The following MED12L variants were observed in gnomAD, a reference collection of about 807,000 sequenced individuals.
MED12L encodes mediator complex subunit 12L, also known as mediator of RNA polymerase II transcription subunit 12-like protein.
Under a neutral mutation model 281.3 loss-of-function variants are expected in MED12L, and 60 were observed. The ratio of observed to expected loss-of-function variants is 0.21; its 90% confidence interval spans 0.17 to 0.26. MED12L has a LOEUF of 0.26. MED12L is among the 10% of genes least tolerant of loss of function. The pLI is 1.00. For synonymous variants in MED12L, 974 were observed against 987.2 expected, an observed-to-expected ratio of 0.99 and a Z score of 0.25; for missense variants, 2,146 against 2,680.9, an observed-to-expected ratio of 0.80 and a Z score of 4.41.
At chr3:151,160,470 C>T (rs1363941804) in intron 8 of MED12L, among the ~76,000 whole-genome samples, 2 of 152,152 alleles carry the variant, frequency 1.3e-5, no homozygotes, top group African/African-American at 4.8e-5. Context: ...GGTTGCCTGT[C>T]TGTGTTTAAA....
At chr3:151,202,677 C>G (rs1469792068) in intron 16 of MED12L, among the ~76,000 whole-genome samples, 1 of 152,118 alleles carries the variant, frequency 6.6e-6, no homozygotes, top group East Asian at 1.9e-4. Context: ...AAAAACAAAA[C>G]AAAACAAAAA....
chr3:151,106,206 GT>G (rs1011214069), intron 2 of MED12L, among the ~76,000 whole-genome samples: 6 of 148,638 alleles, frequency 4.0e-5, no homozygotes, highest in African/African-American at 9.9e-5. Context: ...GTCACCTTCT[GT>G]TTTTTTTTCT....
intron 16 of MED12L, among the ~76,000 whole-genome samples, chr3:151,224,035 A>C (rs533538391): frequency 2.0e-5 from 3 of 152,234 alleles, no homozygotes; most frequent in Non-Finnish European, 2.9e-5. Context: ...ATTACTGCCT[A>C]TTAACACTGG....
chr3:151,369,402 T>G, intron 25 of MED12L, 34 bp from the exon 26 acceptor site: 1 of 1,394,940 alleles, frequency 7.2e-7, no homozygotes, highest in Non-Finnish European at 1.0e-6. Context: ...CTAATGATGG[T>G]AATGAGACTA....
chr3:151,428,434 A>G (rs1719103540), intron 43 of MED12L, among the ~76,000 whole-genome samples: 1 of 152,248 alleles, frequency 6.6e-6, no homozygotes, highest in African/African-American at 2.4e-5. Context: ...GAAAATAGTA[A>G]CATTGGTGGA....
rs1436818421 is a variant in MED12L, at chr3:151,432,798, C to T, written c.6537C>T (p.His2179=). The T allele has an allele frequency of 1.2e-6, 2 of 1,612,704 alleles. No homozygotes were observed. The highest frequency in any genetic ancestry group is 1.1e-5 in the South Asian group (1 of 90,776). ...QGVTPYGHPS[H]F ...TGACTCCGTATGGGCATCCTTCACA[C>T]TTCTGAATCTGCAAGAGGAGAAGAC... The change falls in exon 45 of 45, where the codon CAC becomes CAT. Residue 2179 remains histidine (H), a synonymous_variant. Transcript: ENST00000687756.
At chr3:151,196,407 A>G (rs1260218150) in intron 16 of MED12L, among the ~76,000 whole-genome samples, 1 of 152,142 alleles carries the variant, frequency 6.6e-6, no homozygotes, top group Admixed American at 6.5e-5. Context: ...CTAGCTTCTC[A>G]TTGCATGTGA....
intron 39 of MED12L, among the ~76,000 whole-genome samples, chr3:151,401,693 G>T (rs532376060): frequency 6.6e-6 from 1 of 152,238 alleles, no homozygotes; most frequent in South Asian, 2.1e-4. Flanking sequence ...CATATTTTGA[G>T]TATTGATAAC....
At chr3:151,322,755 A>G (rs991519134) in intron 16 of MED12L, among the ~76,000 whole-genome samples, 7 of 151,650 alleles carry the variant, frequency 4.6e-5, no homozygotes, top group South Asian at 2.1e-4. Context: ...TACTAACACT[A>G]CCCACTCCTC....
chr3:151,386,359 A>G (rs1713344644), intron 36 of MED12L, among the ~76,000 whole-genome samples: 1 of 152,144 alleles, frequency 6.6e-6, no homozygotes, highest in Non-Finnish European at 1.5e-5. Flanking sequence ...TACAGGTGGC[A>G]ATTGAACCTT....
intron 2 of MED12L, among the ~76,000 whole-genome samples, chr3:151,104,761 C>T (rs1286690414): frequency 2.6e-5 from 4 of 152,174 alleles, no homozygotes; most frequent in Admixed American, 2.0e-4. Context: ...GCAGGGCCAT[C>T]CTCCCTCTGA....
chr3:151,254,104 C>T (rs990832117), intron 16 of MED12L, among the ~76,000 whole-genome samples: 3 of 151,210 alleles, frequency 2.0e-5, no homozygotes, highest in Non-Finnish European at 4.4e-5. Flanking sequence ...AATAGAAGTC[C>T]ATACCCTTTT....
rs1560074260 is a variant in MED12L, at chr3:151,127,801, ATATAC to A, written c.397-20_397-16del. ...TGAACACAGTACGTGATTATTATAA[ATATAC>A]TATGTTGTTTCTTTTTAGGTTCCTA... On this transcript the variant is annotated intron_variant, in intron 4 of 44. Coordinates refer to ENST00000687756, the MANE Select transcript of MED12L (RefSeq NM_001393769.1). 6.6e-7 allele frequency: 1 copy of A among 1,521,592 alleles called. No individual in the cohort carries two copies. The highest frequency in any genetic ancestry group is 1.7e-5 in the Admixed American group (1 of 57,714). The allele number at this position is 1,521,592 out of a possible 1,614,324, so 94.3% of individuals were successfully genotyped here. A position where few individuals can be genotyped will look rare whatever the true frequency, so the allele number is the denominator to read the frequency against.
At chr3:151,141,038 T>G (rs537223847) in intron 5 of MED12L, among the ~76,000 whole-genome samples, 14 of 152,272 alleles carry the variant, frequency 9.2e-5, no homozygotes, top group African/African-American at 3.1e-4. Flanking sequence ...CAGCTAAGTT[T>G]TTGTATTTTT....
At chr3:151,107,454 A>G (rs187454359) in intron 2 of MED12L, among the ~76,000 whole-genome samples, 10 of 152,252 alleles carry the variant, frequency 6.6e-5, no homozygotes, top group Admixed American at 2.0e-4. Flanking sequence ...TTCGCTCACT[A>G]TGGAATCCCC....
intron 16 of MED12L, among the ~76,000 whole-genome samples, chr3:151,253,174 G>C (rs1197415444): frequency 6.6e-6 from 1 of 152,138 alleles, no homozygotes; most frequent in East Asian, 1.9e-4. Flanking sequence ...ACCCTGTATA[G>C]TGATATAAAT....
chr3:151,396,433 A>C (rs1051797225), intron 39 of MED12L, among the ~76,000 whole-genome samples: 2 of 152,066 alleles, frequency 1.3e-5, no homozygotes, highest in African/African-American at 4.8e-5. Flanking sequence ...TTCAAGATCA[A>C]CCTGGCCAAC....
intron 16 of MED12L, chr3:151,329,027 A>G: frequency 6.6e-7 from 1 of 1,522,992 alleles, no homozygotes; most frequent in Non-Finnish European, 8.8e-7. Context: ...ATAAACATAT[A>G]TACAAACAAA....
At chr3:151,397,702 A>G (rs146539175) in intron 39 of MED12L, among the ~76,000 whole-genome samples, 1 of 152,322 alleles carries the variant, frequency 6.6e-6, no homozygotes, top group East Asian at 1.9e-4. Flanking sequence ...TATGGCAGGA[A>G]GATTTTCTCA....
Sources: allele counts gnomAD v4.1 joint callset (sites outside exome capture counted in the v4.1 genomes callset), GRCh38; gene constraint gnomAD v4.1.1; transcripts MANE v1.5; gene names NCBI Gene and HGNC (gene_info 2026-07-23, HGNC 2026-07-21).